SCFD1: variants seen among roughly 807,000 people sequenced by gnomAD.
SCFD1 encodes sec1 family domain-containing protein 1.
Under a neutral mutation model 103.2 loss-of-function variants are expected in SCFD1, and 37 were observed. The ratio of observed to expected loss-of-function variants is 0.36; its 90% CI spans 0.28 to 0.47. The LOEUF is 0.47. Among genes scored for constraint, SCFD1 ranks in the 20% least tolerant of loss-of-function variants. The probability of loss-of-function intolerance (pLI) is 1.00; values close to 1 mark genes in which losing one functional copy is unlikely to be tolerated. For synonymous variants in SCFD1, 264 were observed against 245.0 expected (o/e 1.08, Z -0.73); for missense variants, 639 against 761.2 (o/e 0.84, Z 1.89).
At position 30,722,139 on chromosome 14, in the gene SCFD1, A is replaced by G. The variant is rs567094737; in HGVS notation, c.1770+222A>G. ...AAATGAAGTATTTCAAATTGCAGTG[A>G]GAGTTTTACATGTGTGGAACCTTTT... On this transcript the variant is annotated intron_variant, in intron 22 of 24. Coordinates refer to ENST00000458591, the MANE Select transcript of SCFD1 (RefSeq NM_016106.4). Among the ~76,000 whole-genome samples the G allele has an allele frequency of 9.8e-5, 15 of 152,316 alleles. No individual in the cohort carries two copies. The East Asian group carries it at 2.5e-3, about 25-fold the overall frequency.
chr14:30,683,065 C>T, intron 14 of SCFD1: 1 of 1,377,162 alleles, frequency 7.3e-7, no homozygotes. Context: ...TGACTGGTGA[C>T]CTGTTTTGAG....
chr14:30,674,125 TA>T (rs1888807322), intron 13 of SCFD1, 128 bp downstream of exon 13: 1 of 639,932 alleles, frequency 1.6e-6, no homozygotes, highest in Non-Finnish European at 2.7e-6. Context: ...ACTTTGAATT[TA>T]AAGAACTAAA....
At chr14:30,623,225 T>C (rs553256717) in intron 1 of SCFD1, among the ~76,000 whole-genome samples, 1 of 152,340 alleles carries the variant, frequency 6.6e-6, no homozygotes, top group Non-Finnish European at 1.5e-5. Context: ...GAGGAGCTAA[T>C]AGAAATAAGG....
In SCFD1 at chr14:30,650,657, C is replaced by A; in HGVS notation, c.755+7C>A. On this transcript the variant is annotated splice_region_variant and intron_variant, in intron 9 of 24. Coordinates refer to ENST00000458591, the MANE Select transcript of SCFD1 (RefSeq NM_016106.4). ...TTGGAGCTGGCCAATTCAGGTATTA[C>A]TGTTATTAAATACACTTGTAAGACT... 6.6e-7 allele frequency: 1 copy of A among 1,506,246 alleles called. No homozygotes were observed. Among genetic ancestry groups the A allele is most frequent in the Non-Finnish European group, 9.2e-7 (1 of 1,086,836 alleles). 93.3% of individuals were successfully genotyped at this position (1,506,246 alleles called of 1,614,324 possible). A position where few individuals can be genotyped will look rare whatever the true frequency, so the allele number is the denominator to read the frequency against.
Position 30,638,197 on chromosome 14 carries a change from G to T in SCFD1, c.385G>T (p.Asp129Tyr), listed in dbSNP as rs963896330. Reference protein sequence around the residue: ...ISAISRSKLEDIANAALAASA... With the variant: ...ISAISRSKLEYIANAALAASA... ...TGCTATTTCAAGAAGTAAACTGGAA[G>T]ATATTGCAAATGCAGCGTTAGCAGC... Residue 129 changes from aspartate to tyrosine, a missense_variant, in exon 5 of 25, where the codon GAT (aspartate) becomes TAT (tyrosine). Transcript: ENST00000458591. 6 of 1,612,628 alleles carry T rather than the reference G, an allele frequency of 3.7e-6. No homozygotes were observed. The highest frequency in any genetic ancestry group is 5.1e-6 in the Non-Finnish European group (6 of 1,179,406).
intron 19 of SCFD1, among the ~76,000 whole-genome samples, chr14:30,714,643 T>C (rs1390030999): frequency 6.6e-6 from 1 of 152,118 alleles, no homozygotes; most frequent in African/African-American, 2.4e-5. Flanking sequence ...GGAAAATCCT[T>C]ATATAATAGT....
intron 7 of SCFD1, 67 bp from the exon 8 acceptor site, chr14:30,649,461 A>G: frequency 1.1e-6 from 1 of 936,466 alleles, no homozygotes; most frequent in Non-Finnish European, 1.7e-6. Context: ...TTTGATGCTG[A>G]TGTATTTTAT....
intron 14 of SCFD1, chr14:30,683,195 G>A: frequency 8.9e-7 from 1 of 1,119,138 alleles, no homozygotes; most frequent in Non-Finnish European, 1.3e-6. Context: ...AGAGTGTTCT[G>A]GATGGAGAGC....
At chr14:30,735,533 T>G in intron 24 of SCFD1, 53 bp from the exon 25 acceptor site, 1 of 1,248,270 alleles carries the variant, frequency 8.0e-7, no homozygotes, top group Non-Finnish European at 1.2e-6. Context: ...TTTGAATGTT[T>G]CTTTTATGAT....
chr14:30,679,900 G>A (rs1005236631), intron 14 of SCFD1, among the ~76,000 whole-genome samples: 19 of 152,098 alleles, frequency 1.2e-4, no homozygotes, highest in African/African-American at 4.6e-4. Context: ...AATATATTCT[G>A]TATCAGAAAG....
intron 10 of SCFD1, among the ~76,000 whole-genome samples, chr14:30,664,482 C>G (rs1172174301): frequency 1.3e-5 from 2 of 152,222 alleles, no homozygotes; most frequent in African/African-American, 4.8e-5. Context: ...AAAACCAGAG[C>G]GCCCCTTCTT....
chr14:30,668,117 C>T (rs1888185414), intron 10 of SCFD1, among the ~76,000 whole-genome samples: 1 of 152,150 alleles, frequency 6.6e-6, no homozygotes, highest in Non-Finnish European at 1.5e-5. Context: ...AAGAACAAAG[C>T]TGGAGGCATC....
chr14:30,622,292 T>TC (rs773846521), upstream of SCFD1: 302 of 1,588,946 alleles, frequency 1.9e-4, no homozygotes, highest in Non-Finnish European at 2.4e-4. Flanking sequence ...AGCCACGTCA[T>TC]CCCCCCGCTC....
chr14:30,647,932 T>C (rs144654581), intron 7 of SCFD1, among the ~76,000 whole-genome samples: 5,283 of 152,280 alleles, frequency 0.035, 121 homozygotes, highest in Middle Eastern at 0.061. Flanking sequence ...ATTACAGGCA[T>C]GAGCCACCAT....
chr14:30,718,967 C>A (rs2139402509), intron 20 of SCFD1, among the ~76,000 whole-genome samples: 1 of 152,300 alleles, frequency 6.6e-6, no homozygotes, highest in South Asian at 2.1e-4. Context: ...GTTTCTCTGG[C>A]ATGGTAATTA....
At chr14:30,711,583 C>T (rs373917806) in intron 19 of SCFD1, among the ~76,000 whole-genome samples, 6 of 152,088 alleles carry the variant, frequency 3.9e-5, no homozygotes, top group Non-Finnish European at 5.9e-5. Flanking sequence ...GTAATTGTTT[C>T]ATAACAAATA....
At chr14:30,732,248 A>G (rs974775772) in intron 23 of SCFD1, among the ~76,000 whole-genome samples, 4 of 152,096 alleles carry the variant, frequency 2.6e-5, no homozygotes, top group African/African-American at 9.7e-5. Flanking sequence ...AGATCATGTT[A>G]TCTATTAATA....
chr14:30,726,693 A>C (rs546845897), intron 23 of SCFD1, among the ~76,000 whole-genome samples: 25 of 152,276 alleles, frequency 1.6e-4, no homozygotes, highest in Non-Finnish European at 2.9e-4. Flanking sequence ...GTCTGGGTAC[A>C]TGTGTCTTCC....
Position 30,625,418 on chromosome 14 carries a change from G to T in SCFD1, c.62-2791G>T, listed in dbSNP as rs555840206. The stretch of plus-strand genomic sequence containing the variant: ...AAAATTTTGATTTTGGAGCATTTCA[G>T]GTTTCAGATATTAAGACTTGGGATG... On this transcript the variant is annotated intron_variant, in intron 1 of 24. Coordinates refer to ENST00000458591, the MANE Select transcript of SCFD1 (RefSeq NM_016106.4). 2.6e-5 allele frequency among the ~76,000 whole-genome samples: 4 copies of T among 152,160 alleles called. No homozygotes were observed. In the South Asian group the frequency reaches 8.3e-4, roughly 32 times the overall value.
Sources: allele counts gnomAD v4.1 joint callset (sites outside exome capture counted in the v4.1 genomes callset), GRCh38; gene constraint gnomAD v4.1.1; transcripts MANE v1.5; gene names NCBI Gene and HGNC (gene_info 2026-07-23, HGNC 2026-07-21).